Variants in MYT1L observed in about 807,000 individuals in gnomAD.
The protein encoded by MYT1L is myelin transcription factor 1 like.
MYT1L carries 12 observed loss-of-function variants against 126.7 expected under a neutral mutation model. The observed-to-expected ratio is 0.09, with a 90% CI of 0.06 to 0.15. The LOEUF is 0.15. Among genes scored for constraint, MYT1L ranks in the 10% least tolerant of loss-of-function variants. MYT1L has a pLI of 1.00. For synonymous variants in MYT1L, 541 were observed against 604.2 expected (o/e 0.90, Z 1.53); for missense variants, 979 against 1,585.2 (o/e 0.62, Z 6.49).
intron 4 of MYT1L, among the ~76,000 whole-genome samples, chr2:2,005,959 C>CGTTCTTTCCTGCAGGT (rs1558712864): frequency 6.7e-6 from 1 of 149,000 alleles, no homozygotes; most frequent in African/African-American, 2.5e-5. Flanking sequence ...TTCCTGAATG[C>CGTTCTTTCCTGCAGGT]GTTCTTTCCT....
chr2:1,943,216 CA>C lies in MYT1L; in HGVS notation c.270del (p.Cys90TrpfsTer84). 6.4e-7 allele frequency: 1 copy of C among 1,552,418 alleles called. No individual in the cohort carries two copies. The highest frequency in any genetic ancestry group is 8.7e-7 in the Non-Finnish European group (1 of 1,147,314). ...ATGTCCTCAGTCCCATCACTGTCGT[CA>C]CACTCATCCACTGAGGAGCTGTCTG... The part of the protein sequence containing the change: ...VKADSSSVDE[C>X]DDSDGTEDMD... On this transcript the variant is annotated frameshift_variant, in exon 9 of 25. Transcript: ENST00000647738. LOFTEE classifies it high-confidence loss of function. The surrounding 1 kb of genome is among the most constrained non-coding windows in gnomAD (Gnocchi z 4.4).
chr2:1,911,815 A>G (rs1259971255), intron 12 of MYT1L, among the ~76,000 whole-genome samples: 1 of 152,190 alleles, frequency 6.6e-6, no homozygotes, highest in African/African-American at 2.4e-5. Flanking sequence ...CCCTGCTATG[A>G]TAAGGTGGGT....
chr2:2,037,340 C>A lies in MYT1L; in HGVS notation c.-158+16638G>T, dbSNP rs77971292. ...CCCAGCACAGAGCATGGCTGAGACG[C>A]CCTTTGGGGTATTGCTGTTGCTAAT... On this transcript the variant is annotated intron_variant, in intron 4 of 24. Coordinates refer to ENST00000647738, the MANE Select transcript of MYT1L (RefSeq NM_001303052.2). Among the ~76,000 whole-genome samples, 283 of 152,296 alleles carry A rather than the reference C, an allele frequency of 1.9e-3. 2 individuals are homozygous for A. The highest frequency in any genetic ancestry group is 6.6e-3 in the African/African-American group (273 of 41,570).
intron 21 of MYT1L, among the ~76,000 whole-genome samples, chr2:1,814,203 C>G (rs115752368): frequency 0.015 from 2,239 of 152,152 alleles, 55 homozygotes; most frequent in African/African-American, 0.05. Flanking sequence ...GCTAGGTGAA[C>G]GCCCCTGGCA....
At chr2:2,112,069 A>G (rs2079532695) in intron 3 of MYT1L, among the ~76,000 whole-genome samples, 1 of 152,204 alleles carries the variant, frequency 6.6e-6, no homozygotes, top group Non-Finnish European at 1.5e-5. Context: ...CCAGCTTGTA[A>G]GGAATGAGCG....
chr2:1,966,519 C>T (rs577005205), intron 8 of MYT1L, among the ~76,000 whole-genome samples: 1 of 152,230 alleles, frequency 6.6e-6, no homozygotes, highest in African/African-American at 2.4e-5. Context: ...TCCATGCCCT[C>T]CCCTCCCTCA....
chr2:1,854,109 G>A (rs1056245476), intron 18 of MYT1L, among the ~76,000 whole-genome samples: 1 of 151,826 alleles, frequency 6.6e-6, no homozygotes, highest in Non-Finnish European at 1.5e-5. Context: ...AAGAACACTG[G>A]ATTAATAAAA....
In MYT1L at chr2:1,943,040, C is replaced by G; in HGVS notation, c.447G>C (p.Val149=). The change falls in exon 9 of 25, where the codon GTG becomes GTC. Residue 149 remains valine (V), a synonymous_variant. Transcript: ENST00000647738. The surrounding 1 kb of genome is among the most constrained non-coding windows in gnomAD (Gnocchi z 4.4). ...DEDDDEDGED[V]EDEEEEEEEE... is the part of the protein sequence containing the mutation. ...CCTCCTCTTCCTCTTCTTCATCCTCCACATCTTCTCCATCCTCGTCATCGT... is the reference window on the plus strand; with the variant it reads ...CCTCCTCTTCCTCTTCTTCATCCTCGACATCTTCTCCATCCTCGTCATCGT... 6.7e-7 allele frequency: 1 copy of G among 1,496,466 alleles called. No individual in the cohort carries two copies. Among genetic ancestry groups the G allele is most frequent in the Non-Finnish European group, 9.1e-7 (1 of 1,096,962 alleles). The allele number at this position is 1,496,466 out of a possible 1,614,324, so 92.7% of individuals were successfully genotyped here.
At position 2,161,958 on chromosome 2, in the gene MYT1L, G is replaced by A. The variant is rs536264741; in HGVS notation, c.-304+10914C>T. Among the ~76,000 whole-genome samples the A allele has an allele frequency of 2.6e-5, 4 of 152,316 alleles. No individual in the cohort carries two copies. In the East Asian group the frequency reaches 7.7e-4, roughly 29 times the overall value. ...TTCTTTGAATACTGGTTTAGGGCCA[G>A]GTGATCTTCCTGGTAGTTTCGGAAG... On this transcript the variant is annotated intron_variant, in intron 3 of 24. Transcript: ENST00000647738.
At chr2:1,997,796 A>G (rs1283470761) in intron 4 of MYT1L, among the ~76,000 whole-genome samples, 1 of 152,200 alleles carries the variant, frequency 6.6e-6, no homozygotes, top group Non-Finnish European at 1.5e-5. Flanking sequence ...TTATTCTGTG[A>G]TGTCTCCAGG....
intron 1 of MYT1L, among the ~76,000 whole-genome samples, chr2:2,287,186 G>A (rs2095533743): frequency 6.6e-6 from 1 of 152,130 alleles, no homozygotes; most frequent in South Asian, 2.1e-4. Flanking sequence ...AACCTGGGAG[G>A]CAGAGGTTGC....
At chr2:1,894,061 C>T (rs935205328) in intron 14 of MYT1L, among the ~76,000 whole-genome samples, 5 of 152,258 alleles carry the variant, frequency 3.3e-5, no homozygotes, top group Non-Finnish European at 7.3e-5. Flanking sequence ...AAATCCGCAC[C>T]CACAAAACCC....
intron 3 of MYT1L, among the ~76,000 whole-genome samples, chr2:2,151,002 CAGTT>C (rs1004610160): frequency 3.9e-5 from 6 of 152,052 alleles, no homozygotes; most frequent in Non-Finnish European, 4.4e-5. Context: ...GGAAAACTGT[CAGTT>C]AGGATGTCAA....
chr2:2,070,557 T>C (rs1258969680), intron 3 of MYT1L, among the ~76,000 whole-genome samples: 1 of 152,248 alleles, frequency 6.6e-6, no homozygotes, highest in Non-Finnish European at 1.5e-5. Context: ...GTTGACCCAA[T>C]TCGCTTTACC....
chr2:1,857,159 C>T (rs2044020271), intron 18 of MYT1L, among the ~76,000 whole-genome samples: 1 of 152,226 alleles, frequency 6.6e-6, no homozygotes, highest in Non-Finnish European at 1.5e-5. Context: ...CAGCGTGACT[C>T]AGCATCTTAC....
Position 2,270,188 on chromosome 2 carries a change from G to A in MYT1L, c.-421+14216C>T, listed in dbSNP as rs552363302. On this transcript the variant is annotated intron_variant, in intron 2 of 24. Transcript: ENST00000647738. ...TCTGCAACCCAGGGAGGGAGCCCTCGCCACACACCAGATGTGCAGGCACCT... is the reference window on the plus strand; with the variant it reads ...TCTGCAACCCAGGGAGGGAGCCCTCACCACACACCAGATGTGCAGGCACCT... Among the ~76,000 whole-genome samples the A allele has an allele frequency of 1.2e-4, 18 of 152,302 alleles. No homozygotes were observed. The South Asian group carries it at 3.3e-3, about 28-fold the overall frequency.
chr2:2,187,069 C>G (rs2092264673), intron 2 of MYT1L, among the ~76,000 whole-genome samples: 1 of 152,166 alleles, frequency 6.6e-6, no homozygotes, highest in Admixed American at 6.5e-5. Flanking sequence ...ACAATCCAGT[C>G]TTTATGGATT....
chr2:2,154,914 GT>G (rs1435915982), intron 3 of MYT1L, among the ~76,000 whole-genome samples: 1 of 152,126 alleles, frequency 6.6e-6, no homozygotes, highest in Non-Finnish European at 1.5e-5. Flanking sequence ...ATCACCTGAG[GT>G]TGGGAGTTCA....
intron 3 of MYT1L, among the ~76,000 whole-genome samples, chr2:2,080,680 G>C (rs1308764114): frequency 6.6e-6 from 1 of 152,082 alleles, no homozygotes; most frequent in African/African-American, 2.4e-5. Flanking sequence ...GAAAAGAAAA[G>C]AAAAGAAGAA....
Sources: gnomAD v4.1 joint callset for allele counts (sites outside exome capture counted in the v4.1 genomes callset) on GRCh38, gnomAD v4.1.1 for gene constraint, Gnocchi (gnomAD v3.1) non-coding constraint, MANE v1.5 for transcripts, NCBI Gene and HGNC (gene_info 2026-07-23, HGNC 2026-07-21) for gene names.